Variants in ARL15 observed in about 807,000 individuals in gnomAD.
The protein encoded by ARL15 is ADP-ribosylation factor-like protein 15.
A neutral mutation model predicts 25.2 loss-of-function variants in ARL15; 19 were observed. The ratio of observed to expected loss-of-function variants is 0.75; its 90% CI spans 0.53 to 1.10. ARL15 has a LOEUF of 1.10. Among genes scored for constraint, ARL15 ranks in the 50% least tolerant of loss-of-function variants. The pLI, the probability that ARL15 is intolerant of heterozygous loss-of-function variation, is 0.00. For missense variants in ARL15, 220 were observed against 246.0 expected (o/e 0.89, Z 0.71); for synonymous variants, 94 against 86.8 (o/e 1.08, Z -0.46).
At chr5:54,165,094 A>G (rs1579864328) in intron 2 of ARL15, among the ~76,000 whole-genome samples, 1 of 152,132 alleles carries the variant, frequency 6.6e-6, no homozygotes, top group Middle Eastern at 3.4e-3. Context: ...AAGTGTTATT[A>G]TACGACTTCA....
chr5:53,969,760 T>C (rs1316454394), intron 4 of ARL15, among the ~76,000 whole-genome samples: 3 of 152,110 alleles, frequency 2.0e-5, no homozygotes, highest in African/African-American at 7.2e-5. Context: ...TAGAATATTC[T>C]GGAATAAGAA....
intron 3 of ARL15, among the ~76,000 whole-genome samples, chr5:54,116,262 G>A: frequency 6.6e-6 from 1 of 152,128 alleles, no homozygotes; most frequent in Non-Finnish European, 1.5e-5. Context: ...ACAGGTGTGA[G>A]TCATTAGCAG....
intron 4 of ARL15, among the ~76,000 whole-genome samples, chr5:53,975,888 T>C (rs1457960304): frequency 1.3e-5 from 2 of 152,078 alleles, no homozygotes; most frequent in African/African-American, 4.8e-5. Context: ...GGTGTGTAGC[T>C]ATAATAACAA....
chr5:53,911,064 C>T (rs900751513), intron 4 of ARL15, among the ~76,000 whole-genome samples: 1 of 152,144 alleles, frequency 6.6e-6, no homozygotes, highest in Non-Finnish European at 1.5e-5. Context: ...GGCATAACTG[C>T]TTAACAGAAT....
At chr5:54,294,370 C>T (rs1056791680) in intron 1 of ARL15, among the ~76,000 whole-genome samples, 1 of 152,196 alleles carries the variant, frequency 6.6e-6, no homozygotes, top group South Asian at 2.1e-4. Flanking sequence ...ATGTATATTA[C>T]GTTCAGTGTT....
At chr5:54,053,160 A>G (rs1750749756) in intron 4 of ARL15, among the ~76,000 whole-genome samples, 1 of 152,204 alleles carries the variant, frequency 6.6e-6, no homozygotes, top group South Asian at 2.1e-4. Context: ...CTGAGGCAGA[A>G]GGATCCCTGG....
intron 4 of ARL15, among the ~76,000 whole-genome samples, chr5:53,918,210 G>C (rs1745720159): frequency 6.6e-6 from 1 of 152,274 alleles, no homozygotes; most frequent in African/African-American, 2.4e-5. Flanking sequence ...TATTTAGACA[G>C]GGTCTCACTC....
chr5:54,256,238 G>A (rs1757357951), intron 1 of ARL15, among the ~76,000 whole-genome samples: 1 of 151,820 alleles, frequency 6.6e-6, no homozygotes, highest in South Asian at 2.1e-4. Context: ...CATTACCACT[G>A]ACACCACAGA....
intron 2 of ARL15, among the ~76,000 whole-genome samples, chr5:54,165,883 G>T (rs1000689359): frequency 1.3e-5 from 2 of 151,908 alleles, no homozygotes; most frequent in East Asian, 3.9e-4. Context: ...AAGTCCAAAG[G>T]CCATTTACTG....
intron 4 of ARL15, among the ~76,000 whole-genome samples, chr5:53,938,249 TA>T (rs3839227): frequency 0.9 from 134,680 of 149,330 alleles, 60,966 homozygotes; most frequent in African/African-American, 0.94. Context: ...AACATTCTGC[TA>T]AAAAAAAAAA....
At chr5:54,107,526 A>G (rs1752626216) in intron 4 of ARL15, among the ~76,000 whole-genome samples, 1 of 152,120 alleles carries the variant, frequency 6.6e-6, no homozygotes, top group Non-Finnish European at 1.5e-5. Flanking sequence ...CTCTGTGTTG[A>G]AAAATAGTGA....
chr5:54,149,233 T>G (rs1753996524), intron 3 of ARL15, among the ~76,000 whole-genome samples: 1 of 152,166 alleles, frequency 6.6e-6, no homozygotes, highest in Admixed American at 6.5e-5. Flanking sequence ...GGAAAGGTGA[T>G]GAGGTGGAGC....
chr5:53,904,728 T>C (rs1458332270), intron 4 of ARL15, among the ~76,000 whole-genome samples: 1 of 145,790 alleles, frequency 6.9e-6, no homozygotes. Context: ...AAATTATTTA[T>C]TTTTAGTTCC....
At chr5:54,122,784 T>G (rs1374335985) in intron 3 of ARL15, among the ~76,000 whole-genome samples, 1 of 152,232 alleles carries the variant, frequency 6.6e-6, no homozygotes, top group Non-Finnish European at 1.5e-5. Flanking sequence ...TTAATAATTC[T>G]TGTAACTGTT....
intron 4 of ARL15, among the ~76,000 whole-genome samples, chr5:54,104,452 T>C (rs1000370959): frequency 1.3e-5 from 2 of 152,170 alleles, no homozygotes; most frequent in Admixed American, 6.6e-5. Context: ...ATATTTGCAG[T>C]ACCTTGCAAA....
intron 4 of ARL15, among the ~76,000 whole-genome samples, chr5:54,037,170 C>T (rs1004146465): frequency 4.6e-5 from 7 of 151,848 alleles, no homozygotes; most frequent in African/African-American, 1.7e-4. Flanking sequence ...AAAACTTTTA[C>T]CCTTGAAAGA....
At chr5:54,247,642 G>T (rs1757124498) in intron 1 of ARL15, among the ~76,000 whole-genome samples, 1 of 150,350 alleles carries the variant, frequency 6.7e-6, no homozygotes, top group Non-Finnish European at 1.5e-5. Flanking sequence ...AACATTAAGA[G>T]TCCTTTCATA....
chr5:54,072,929 C>A (rs1275422317), intron 4 of ARL15, among the ~76,000 whole-genome samples: 2 of 152,146 alleles, frequency 1.3e-5, no homozygotes, highest in Non-Finnish European at 2.9e-5. Context: ...AGATTTTCCC[C>A]CTTGAAATAC....
intron 1 of ARL15, among the ~76,000 whole-genome samples, chr5:54,294,548 C>T (rs963313854): frequency 6.6e-6 from 1 of 152,202 alleles, no homozygotes; most frequent in Non-Finnish European, 1.5e-5. Flanking sequence ...TCTCCCAAAA[C>T]TAACCTGAAA....
Sources: gnomAD v4.1 joint callset for allele counts (sites outside exome capture counted in the v4.1 genomes callset) on GRCh38, gnomAD v4.1.1 for gene constraint, MANE v1.5 for transcripts, NCBI Gene and HGNC (gene_info 2026-07-23, HGNC 2026-07-21) for gene names.